Variants in GRB10 observed in about 807,000 individuals in gnomAD.
GRB10 encodes growth factor receptor bound protein 10.
Under a neutral mutation model 80.9 loss-of-function variants are expected in GRB10, and 20 were observed. The observed-to-expected ratio is 0.25, with a 90% CI of 0.17 to 0.36. The LOEUF (loss-of-function observed/expected upper bound fraction) is 0.36, where lower values mean the gene tolerates loss of function less well. GRB10 is among the 10% of genes least tolerant of loss of function. GRB10 has a pLI of 1.00. For missense variants in GRB10, 548 were observed against 747.7 expected (o/e 0.73, Z 3.12); for synonymous variants, 291 against 291.5 (o/e 1.00, Z 0.02).
intron 5 of GRB10, among the ~76,000 whole-genome samples, chr7:50,686,014 T>A (rs2062066840): frequency 6.6e-6 from 1 of 152,072 alleles, no homozygotes; most frequent in South Asian, 2.1e-4. Context: ...GAAAACCAGT[T>A]CCTGAGATGC....
At chr7:50,767,645 C>A (rs56852197) in intron 2 of GRB10, among the ~76,000 whole-genome samples, 6,907 of 152,192 alleles carry the variant, frequency 0.045, 276 homozygotes, top group East Asian at 0.2. Flanking sequence ...CGGCTCCTGG[C>A]CAGCAGGGGG....
chr7:50,698,329 G>A (rs1379842009), intron 5 of GRB10, among the ~76,000 whole-genome samples: 1 of 152,180 alleles, frequency 6.6e-6, no homozygotes, highest in Non-Finnish European at 1.5e-5. Context: ...TGGTAATACA[G>A]TCAAATTTAC....
intron 7 of GRB10, among the ~76,000 whole-genome samples, chr7:50,647,174 G>C (rs1163149169): frequency 6.6e-6 from 1 of 151,746 alleles, no homozygotes; most frequent in Non-Finnish European, 1.5e-5. Context: ...TGTCTAAATA[G>C]AGACCTTGGT....
At chr7:50,717,783 T>A (rs1197302584) in intron 4 of GRB10, among the ~76,000 whole-genome samples, 1 of 152,238 alleles carries the variant, frequency 6.6e-6, no homozygotes, top group Non-Finnish European at 1.5e-5. Context: ...GGCCTCATTC[T>A]CTGAAATGAG....
chr7:50,697,027 T>C (rs139978374), intron 5 of GRB10, among the ~76,000 whole-genome samples: 1 of 152,244 alleles, frequency 6.6e-6, no homozygotes, highest in South Asian at 2.1e-4. Context: ...GGGTGAACCC[T>C]GAAGACATGC....
intron 7 of GRB10, among the ~76,000 whole-genome samples, chr7:50,654,386 C>T (rs1251246008): frequency 3.3e-5 from 5 of 152,188 alleles, no homozygotes; most frequent in Admixed American, 3.3e-4. Flanking sequence ...GCTGCCAAGC[C>T]TCACAGAGTC....
At chr7:50,678,549 A>G (rs924725461) in intron 5 of GRB10, among the ~76,000 whole-genome samples, 1 of 152,240 alleles carries the variant, frequency 6.6e-6, no homozygotes, top group Non-Finnish European at 1.5e-5. Flanking sequence ...AATAAAATCA[A>G]TTATGGTTCT....
intron 4 of GRB10, among the ~76,000 whole-genome samples, chr7:50,725,760 A>G (rs2068543845): frequency 6.6e-6 from 1 of 152,156 alleles, no homozygotes; most frequent in African/African-American, 2.4e-5. Flanking sequence ...CCCTGATTAG[A>G]TATGTCCTTC....
chr7:50,792,477 G>A (rs910492913), intron 1 of GRB10: 9 of 398,390 alleles, frequency 2.3e-5, no homozygotes, highest in Non-Finnish European at 3.5e-5. Context: ...CAAGGCAGTC[G>A]TCAGGCAGGC....
intron 8 of GRB10, among the ~76,000 whole-genome samples, chr7:50,624,000 G>GT (rs2153587829): frequency 6.6e-6 from 1 of 152,270 alleles, no homozygotes; most frequent in Non-Finnish European, 1.5e-5. Context: ...TACTCAATCA[G>GT]TAATAATGTA....
intron 8 of GRB10, among the ~76,000 whole-genome samples, 174 bp downstream of exon 8, chr7:50,626,648 G>C (rs1182530874): frequency 6.6e-6 from 1 of 152,250 alleles, no homozygotes; most frequent in Non-Finnish European, 1.5e-5. Flanking sequence ...AAAGGGGCTG[G>C]AGGGAGGAGA....
chr7:50,742,586 CAT>C (rs2072083136), intron 3 of GRB10, among the ~76,000 whole-genome samples: 2 of 152,238 alleles, frequency 1.3e-5, no homozygotes, highest in African/African-American at 2.4e-5. Flanking sequence ...GGTCCCATAA[CAT>C]GTGTTTCTGC....
intron 2 of GRB10, among the ~76,000 whole-genome samples, chr7:50,775,008 A>C (rs1427631794): frequency 2.0e-5 from 3 of 150,902 alleles, no homozygotes; most frequent in Non-Finnish European, 4.4e-5. Context: ...AACAAAAAAA[A>C]AAACTAGCTG....
chr7:50,617,256 G>A (rs925519072), intron 10 of GRB10, among the ~76,000 whole-genome samples: 4 of 152,206 alleles, frequency 2.6e-5, no homozygotes, highest in Non-Finnish European at 5.9e-5. Flanking sequence ...TTATCTTTTA[G>A]ATGCTGAAAC....
intron 13 of GRB10, 44 bp from the exon 14 acceptor site, chr7:50,606,458 G>A (rs375849950): frequency 1.2e-5 from 17 of 1,447,852 alleles, no homozygotes; most frequent in Non-Finnish European, 1.6e-5. Context: ...CGGGAGCCCC[G>A]AGGCCCGGCA....
chr7:50,720,279 T>C (rs1383384181), intron 4 of GRB10, among the ~76,000 whole-genome samples: 2 of 152,212 alleles, frequency 1.3e-5, no homozygotes, highest in African/African-American at 4.8e-5. Context: ...TTGTTTCTAG[T>C]TAAGATGATA....
At chr7:50,641,902 G>T (rs1335386867) in intron 7 of GRB10, among the ~76,000 whole-genome samples, 1 of 152,216 alleles carries the variant, frequency 6.6e-6, no homozygotes, top group African/African-American at 2.4e-5. Flanking sequence ...AGGAGGCAAG[G>T]GCGTGGGAAG....
chr7:50,622,112 G>C (rs543516730), intron 8 of GRB10, among the ~76,000 whole-genome samples: 109 of 152,352 alleles, frequency 7.2e-4, no homozygotes, highest in African/African-American at 2.3e-3. Flanking sequence ...GAAAAGAGCT[G>C]TCAGCAAGCT....
intron 4 of GRB10, chr7:50,705,230 T>G (rs2064875158): frequency 1.0e-6 from 1 of 985,666 alleles, no homozygotes; most frequent in Admixed American, 6.1e-5. Context: ...GGGGACAGAC[T>G]CCAGCAGGGT....
Sources: allele counts gnomAD v4.1 joint callset (sites outside exome capture counted in the v4.1 genomes callset), GRCh38; gene constraint gnomAD v4.1.1; transcripts MANE v1.5; gene names NCBI Gene and HGNC (gene_info 2026-07-23, HGNC 2026-07-21).